The following CPNE4 variants were observed in gnomAD, a reference collection of about 807,000 sequenced individuals.
The protein encoded by CPNE4 is copine 4.
CPNE4 carries 25 observed loss-of-function variants against 67.9 expected under a neutral mutation model. That is an observed-to-expected ratio of 0.37 (90% confidence interval 0.27 to 0.51). The LOEUF is 0.51. Ranked by LOEUF, CPNE4 falls within the 20% of genes least tolerant of loss-of-function variation. The pLI, the probability that CPNE4 is intolerant of heterozygous loss-of-function variation, is 0.93. For missense variants in CPNE4, 464 were observed against 690.8 expected (o/e 0.67, Z 3.68); for synonymous variants, 242 against 244.9 (o/e 0.99, Z 0.11).
chr3:131,985,140 A>T (rs1560737160), intron 1 of CPNE4, among the ~76,000 whole-genome samples: 1 of 152,196 alleles, frequency 6.6e-6, no homozygotes, highest in Admixed American at 6.5e-5. Flanking sequence ...TCCTCACATG[A>T]CAGAAAGAGT....
chr3:131,632,992 ACT>A (rs1229849025), intron 7 of CPNE4, among the ~76,000 whole-genome samples: 3 of 151,916 alleles, frequency 2.0e-5, no homozygotes, highest in Admixed American at 6.6e-5. Context: ...GTCTACTCTA[ACT>A]CTCCATTTCT....
At chr3:131,753,381 A>T (rs1042753044) in intron 2 of CPNE4, among the ~76,000 whole-genome samples, 3 of 152,148 alleles carry the variant, frequency 2.0e-5, no homozygotes, top group African/African-American at 7.2e-5. Flanking sequence ...AATCATTCTT[A>T]ACTAAGTCTA....
At chr3:131,816,422 G>C (rs561601690) in intron 2 of CPNE4, among the ~76,000 whole-genome samples, 132 of 152,268 alleles carry the variant, frequency 8.7e-4, no homozygotes, top group Admixed American at 2.0e-3. Context: ...GGGAATTTTT[G>C]GATGGATTTA....
At chr3:132,003,534 TTCTC>T (rs1181704213) in intron 1 of CPNE4, among the ~76,000 whole-genome samples, 2 of 151,932 alleles carry the variant, frequency 1.3e-5, no homozygotes, top group Non-Finnish European at 2.9e-5. Context: ...CTGAGGGCCC[TTCTC>T]TCTCTACTAC....
intron 2 of CPNE4, among the ~76,000 whole-genome samples, chr3:131,895,508 C>A (rs2088291030): frequency 6.6e-6 from 1 of 151,882 alleles, no homozygotes; most frequent in Non-Finnish European, 1.5e-5. Context: ...TAAAAATAAC[C>A]ATTCTACAAA....
At chr3:132,037,505 AC>A (rs2107711341), upstream of CPNE4, 1 of 1,404,852 alleles carries the variant, frequency 7.1e-7, no homozygotes, top group Non-Finnish European at 9.7e-7. Context: ...CCCGCCAGCC[AC>A]AGTCCCCTCA....
chr3:132,016,201 A>G (rs1299035428), intron 1 of CPNE4, among the ~76,000 whole-genome samples: 2 of 152,208 alleles, frequency 1.3e-5, no homozygotes, highest in African/African-American at 4.8e-5. Flanking sequence ...ATCATACTAG[A>G]CCACTTAACC....
At chr3:131,718,417 T>C (rs1391441528) in intron 3 of CPNE4, among the ~76,000 whole-genome samples, 2 of 152,220 alleles carry the variant, frequency 1.3e-5, no homozygotes, top group East Asian at 1.9e-4. Context: ...TTCTTTTCTA[T>C]CTGGCATCCT....
chr3:131,739,118 A>G (rs1020461513), intron 2 of CPNE4, among the ~76,000 whole-genome samples: 1 of 152,062 alleles, frequency 6.6e-6, no homozygotes, highest in African/African-American at 2.4e-5. Flanking sequence ...AAACTTGCTG[A>G]CCCTGGAGGG....
intron 2 of CPNE4, among the ~76,000 whole-genome samples, chr3:131,755,793 CCT>C (rs2082736368): frequency 6.6e-6 from 1 of 152,146 alleles, no homozygotes. Context: ...TTAGGATTCA[CCT>C]ATCCCATCAC....
chr3:131,662,445 A>G (rs2080150240), intron 7 of CPNE4, among the ~76,000 whole-genome samples: 1 of 152,210 alleles, frequency 6.6e-6, no homozygotes, highest in Non-Finnish European at 1.5e-5. Context: ...ATACATATAC[A>G]CTCAGCCTCA....
chr3:131,589,080 C>A (rs1185243582), intron 7 of CPNE4, among the ~76,000 whole-genome samples: 3 of 152,096 alleles, frequency 2.0e-5, no homozygotes, highest in Non-Finnish European at 4.4e-5. Flanking sequence ...TCCAGAGGGA[C>A]AGAACTAATA....
intron 2 of CPNE4, among the ~76,000 whole-genome samples, chr3:131,792,412 G>A (rs567617528): frequency 2.2e-4 from 34 of 151,278 alleles, no homozygotes; most frequent in African/African-American, 6.3e-4. Flanking sequence ...TACCATACCC[G>A]AAAACTATGT....
intron 7 of CPNE4, among the ~76,000 whole-genome samples, chr3:131,653,141 TTC>T (rs1491529504): frequency 1.4e-5 from 2 of 142,700 alleles, no homozygotes; most frequent in African/African-American, 5.5e-5. Context: ...CTGATAGGAC[TTC>T]TTTTTTTTTT....
At chr3:131,693,272 T>A (rs956890939) in intron 5 of CPNE4, among the ~76,000 whole-genome samples, 2 of 152,208 alleles carry the variant, frequency 1.3e-5, no homozygotes, top group African/African-American at 4.8e-5. Context: ...TCTTAAAAGT[T>A]ATTGGGGATA....
intron 2 of CPNE4, among the ~76,000 whole-genome samples, chr3:131,817,985 G>A (rs555197802): frequency 2.0e-5 from 3 of 152,184 alleles, no homozygotes; most frequent in African/African-American, 4.8e-5. Context: ...TTTAAAAAGT[G>A]CACCTTGTGG....
chr3:131,644,090 C>A (rs376891015), intron 7 of CPNE4, among the ~76,000 whole-genome samples: 1 of 152,212 alleles, frequency 6.6e-6, no homozygotes, highest in East Asian at 1.9e-4. Flanking sequence ...GCATGCATCA[C>A]CCAGAGGGCT....
chr3:131,631,064 C>T (rs1349891791), intron 7 of CPNE4, among the ~76,000 whole-genome samples: 1 of 152,178 alleles, frequency 6.6e-6, no homozygotes, highest in Non-Finnish European at 1.5e-5. Context: ...GATGACCTCC[C>T]AGGCCTTTAC....
intron 1 of CPNE4, among the ~76,000 whole-genome samples, chr3:131,965,044 G>A (rs2072303149): frequency 1.3e-5 from 2 of 152,182 alleles, no homozygotes; most frequent in Non-Finnish European, 2.9e-5. Context: ...AACCCTACAA[G>A]CTGGAAGAGA....
Sources: allele counts gnomAD v4.1 joint callset (sites outside exome capture counted in the v4.1 genomes callset), GRCh38; gene constraint gnomAD v4.1.1; transcripts MANE v1.5; gene names NCBI Gene and HGNC (gene_info 2026-07-23, HGNC 2026-07-21).